Variants in TDRD5 observed in about 807,000 individuals in gnomAD.
The protein encoded by TDRD5 is tudor domain-containing protein 5.
In TDRD5, 41 loss-of-function variants were observed where a neutral mutation model predicts 120.6. That is an observed-to-expected ratio of 0.34 (90% confidence interval 0.26 to 0.44). The LOEUF (loss-of-function observed/expected upper bound fraction) is 0.44. Among genes scored for constraint, TDRD5 ranks in the 20% least tolerant of loss-of-function variants. The probability of loss-of-function intolerance (pLI) is 1.00; values close to 1 mark genes in which losing one functional copy is unlikely to be tolerated. For synonymous variants in TDRD5, 430 were observed against 433.7 expected (o/e 0.99, Z 0.11); for missense variants, 1,006 against 1,221.2 (o/e 0.82, Z 2.63).
intron 11 of TDRD5, among the ~76,000 whole-genome samples, chr1:179,645,076 C>CTTTTTTTT (rs71569261): frequency 7.0e-5 from 7 of 99,594 alleles, no homozygotes; most frequent in African/African-American, 1.2e-4. Context: ...AAACATTTTT[C>CTTTTTTTT]TTTTTTTTTT....
In TDRD5 at chr1:179,593,505, A is replaced by G; in HGVS notation, c.278A>G (p.Lys93Arg). The G allele has an allele frequency of 6.2e-7, 1 of 1,614,132 alleles. No homozygotes were observed. Among genetic ancestry groups the G allele is most frequent in the Non-Finnish European group, 8.5e-7 (1 of 1,179,966 alleles). The change falls in exon 3 of 18, where the codon AAA becomes AGA. Residue 93 changes from lysine to arginine, a missense_variant. Coordinates refer to ENST00000444136, the MANE Select transcript of TDRD5 (RefSeq NM_001199085.3). ...AAAGGAATAGCAAGCTTAGTTGCAA[A>G]ACAGAGGAGCAGCCATAAGCTTCGA... ...STKGIASLVA[K>R]QRSSHKLRNS...
At chr1:179,604,918 A>G (rs529463077) in intron 4 of TDRD5, among the ~76,000 whole-genome samples, 32 of 152,164 alleles carry the variant, frequency 2.1e-4, no homozygotes, top group Middle Eastern at 3.4e-3. Flanking sequence ...GTTTAAATCC[A>G]TTGTGTCTTT....
intron 4 of TDRD5, among the ~76,000 whole-genome samples, chr1:179,598,651 C>G (rs952646914): frequency 2.6e-5 from 4 of 151,016 alleles, no homozygotes; most frequent in African/African-American, 9.7e-5. Context: ...AATTTCTAAT[C>G]ATTGCTAATA....
chr1:179,643,739 T>C (rs1001096809), intron 11 of TDRD5, among the ~76,000 whole-genome samples: 9 of 152,066 alleles, frequency 5.9e-5, no homozygotes, highest in Non-Finnish European at 1.0e-4. Context: ...AGGTATGTAA[T>C]TGGAGTCCCA....
chr1:179,642,629 T>C (rs1406513317), intron 11 of TDRD5, among the ~76,000 whole-genome samples: 1 of 152,216 alleles, frequency 6.6e-6, no homozygotes, highest in Non-Finnish European at 1.5e-5. Context: ...CTATCTGATA[T>C]TGTCTTGTTT....
chr1:179,649,850 A>G (rs2102058720), intron 11 of TDRD5, among the ~76,000 whole-genome samples: 1 of 152,326 alleles, frequency 6.6e-6, no homozygotes, highest in African/African-American at 2.4e-5. Flanking sequence ...GTCTACCTCC[A>G]GAGAGGATTT....
At chr1:179,636,884 C>G (rs1572380079) in intron 9 of TDRD5, among the ~76,000 whole-genome samples, 1 of 152,126 alleles carries the variant, frequency 6.6e-6, no homozygotes, top group Non-Finnish European at 1.5e-5. Flanking sequence ...GTCAAATACC[C>G]AAGTCAGCTT....
At position 179,663,594 on chromosome 1, in the gene TDRD5, C is replaced by T. The variant is rs1300490639; in HGVS notation, c.2649+103C>T. The T allele has an allele frequency of 2.1e-6, 3 of 1,400,898 alleles. No individual in the cohort carries two copies. The Admixed American group carries it at 8.0e-5, about 37-fold the overall frequency. 86.8% of individuals were successfully genotyped at this position (1,400,898 alleles called of 1,614,324 possible). ...ATTTACATATTTTGATATTGCCTGT[C>T]TCTTAACAGCTTGCTGTAGCTGTTA... is the stretch of plus-strand genomic sequence containing the variant. On this transcript the variant is annotated intron_variant, in intron 16 of 17. Transcript: ENST00000444136.
In TDRD5 at chr1:179,691,048, T is replaced by G; in HGVS notation, c.*105T>G. The G allele has an allele frequency of 7.1e-7, 1 of 1,408,236 alleles. No individual in the cohort carries two copies. The highest frequency in any genetic ancestry group is 9.4e-7 in the Non-Finnish European group (1 of 1,066,834). 87.2% of individuals were successfully genotyped at this position (1,408,236 alleles called of 1,614,324 possible). Reference sequence around the variant, plus strand: ...TGAAGCAAAATAGTATCTTGATCATTGATACTTTTGTCTTTCTGTGACTAT... The same window carrying G: ...TGAAGCAAAATAGTATCTTGATCATGGATACTTTTGTCTTTCTGTGACTAT... On this transcript the variant is annotated 3_prime_UTR_variant, in exon 18 of 18. Transcript: ENST00000444136.
intron 13 of TDRD5, among the ~76,000 whole-genome samples, chr1:179,653,809 C>G (rs1436635880): frequency 6.6e-6 from 1 of 152,222 alleles, no homozygotes; most frequent in East Asian, 1.9e-4. Flanking sequence ...TCCTACTCAT[C>G]TTTCAAGTGT....
Position 179,690,904 on chromosome 1 carries a change from C to T in TDRD5, c.3069C>T (p.Leu1023=). 1.2e-6 allele frequency: 2 copies of T among 1,614,040 alleles called. No individual in the cohort carries two copies. Among genetic ancestry groups the T allele is most frequent in the Non-Finnish European group, 1.7e-6 (2 of 1,180,018 alleles). ...AAARLATSRS[L]LHWYPSVKRM... Reference sequence around the variant, plus strand: ...CACGGTTAGCTACATCCAGGAGCCTCCTACACTGGTACCCCAGTGTGAAAA... The same window carrying T: ...CACGGTTAGCTACATCCAGGAGCCTTCTACACTGGTACCCCAGTGTGAAAA... The change falls in exon 18 of 18, where the codon CTC becomes CTT. Residue 1023 remains leucine (L), a synonymous_variant. Transcript: ENST00000444136.
chr1:179,595,774 G>T lies in TDRD5; in HGVS notation c.787G>T (p.Val263Leu), dbSNP rs780559807. 6.2e-7 allele frequency: 1 copy of T among 1,613,664 alleles called. No homozygotes were observed. The highest frequency in any genetic ancestry group is 8.5e-7 in the Non-Finnish European group (1 of 1,179,806). Residue 263 changes from valine (V) to leucine (L), a missense_variant, in exon 4 of 18, where the codon GTA becomes TTA. This residue lies in a region of TDRD5 where 445 missense variants were observed against 515.5 expected (regional missense o/e 0.86). Coordinates refer to ENST00000444136, the MANE Select transcript of TDRD5 (RefSeq NM_001199085.3). ...MSMEKTSKLN[V>L]VETSRLNHTE... is the part of the protein sequence containing the mutation. ...CATGGAAAAGACTTCCAAGTTAAAT[G>T]TAGTGGAGACTTCAAGACTGAATCA...
At chr1:179,653,430 C>T (rs1678826236) in intron 13 of TDRD5, among the ~76,000 whole-genome samples, 2 of 152,068 alleles carry the variant, frequency 1.3e-5, no homozygotes, top group Admixed American at 1.3e-4. Context: ...TTTCCTACTG[C>T]ATGTTCAAAA....
In TDRD5 at chr1:179,632,016, C is replaced by G. The variant is rs1167080850; in HGVS notation, c.1126+1096C>G. Among the ~76,000 whole-genome samples, 3 of 151,872 alleles carry G rather than the reference C, an allele frequency of 2.0e-5. No homozygotes were observed. The East Asian group carries it at 5.8e-4, about 29-fold the overall frequency. ...CCGCCTCGCGGGTTCATGCCATTCTCCTGCCTCAGCCTCCTGAGTAGCTGG... is the reference window on the plus strand; with the variant it reads ...CCGCCTCGCGGGTTCATGCCATTCTGCTGCCTCAGCCTCCTGAGTAGCTGG... On this transcript the variant is annotated intron_variant, in intron 7 of 17. Transcript: ENST00000444136.
At chr1:179,644,585 C>T (rs914137469) in intron 11 of TDRD5, among the ~76,000 whole-genome samples, 1 of 152,018 alleles carries the variant, frequency 6.6e-6, no homozygotes, top group Non-Finnish European at 1.5e-5. Context: ...ATAGTAGAAT[C>T]TTCACTTTTT....
At chr1:179,678,199 G>T (rs7526758) in intron 17 of TDRD5, among the ~76,000 whole-genome samples, 1 of 151,994 alleles carries the variant, frequency 6.6e-6, no homozygotes, top group African/African-American at 2.4e-5. Context: ...CGGCAGTCAC[G>T]GGCCTCACTC....
At chr1:179,599,068 G>C (rs1353952496) in intron 4 of TDRD5, among the ~76,000 whole-genome samples, 1 of 151,894 alleles carries the variant, frequency 6.6e-6, no homozygotes, top group Non-Finnish European at 1.5e-5. Flanking sequence ...TTTTTTTCCT[G>C]AATGTATGTT....
At chr1:179,609,557 GT>G (rs1676172543) in intron 4 of TDRD5, among the ~76,000 whole-genome samples, 1 of 152,112 alleles carries the variant, frequency 6.6e-6, no homozygotes, top group Non-Finnish European at 1.5e-5. Context: ...CTCCAGAACT[GT>G]AAGAAAAATT....
At chr1:179,655,789 A>C (rs1484589670) in intron 14 of TDRD5, among the ~76,000 whole-genome samples, 3 of 152,226 alleles carry the variant, frequency 2.0e-5, no homozygotes, top group Non-Finnish European at 2.9e-5. Flanking sequence ...ATGTATCAAT[A>C]ATATGTTCTT....
Sources: allele counts gnomAD v4.1 joint callset (sites outside exome capture counted in the v4.1 genomes callset), GRCh38; gene constraint gnomAD v4.1.1; regional missense constraint gnomAD v4.1.1; transcripts MANE v1.5; gene names NCBI Gene and HGNC (gene_info 2026-07-23, HGNC 2026-07-21).